KLHL24: variants seen among roughly 807,000 people sequenced by gnomAD.
KLHL24 encodes kelch-like protein 24.
KLHL24 carries 29 observed loss-of-function variants against 53.4 expected under a neutral mutation model. The ratio of observed to expected loss-of-function variants is 0.54; its 90% CI spans 0.40 to 0.74. KLHL24 has a LOEUF of 0.74. Ranked by LOEUF, KLHL24 falls within the 30% of genes least tolerant of loss-of-function variation. KLHL24 has a pLI of 0.00. For synonymous variants in KLHL24, 222 were observed against 253.7 expected, an observed-to-expected ratio of 0.88 and a Z score of 1.19; for missense variants, 504 against 744.0, an observed-to-expected ratio of 0.68 and a Z score of 3.75.
rs1446700713 is a variant in KLHL24, at chr3:183,681,959, A to G, written c.*2673A>G. 6.6e-6 allele frequency: 1 copy of G among 152,508 alleles called. No homozygotes were observed. Among genetic ancestry groups the G allele is most frequent in the Non-Finnish European group, 1.5e-5 (1 of 67,990 alleles). The allele number at this position is 152,508 out of a possible 1,614,324, so 9.4% of individuals were successfully genotyped here. A position where few individuals can be genotyped will look rare whatever the true frequency, so the allele number is the denominator to read the frequency against. On this transcript the variant is annotated 3_prime_UTR_variant, in exon 8 of 8. Transcript: ENST00000242810. ...TATACACACATATATACCAAACACC[A>G]TGAATTTTAGCAGTCTGTGATGATC...
intron 1 of KLHL24, among the ~76,000 whole-genome samples, chr3:183,639,157 G>A (rs1715878971): frequency 6.6e-6 from 1 of 151,838 alleles, no homozygotes; most frequent in Non-Finnish European, 1.5e-5. Flanking sequence ...CTGAGATCGC[G>A]CCATTGCACT....
intron 3 of KLHL24, among the ~76,000 whole-genome samples, chr3:183,659,570 C>T (rs748670369): frequency 2.6e-5 from 4 of 152,166 alleles, no homozygotes; most frequent in East Asian, 1.9e-4. Flanking sequence ...TCTTGTAGGA[C>T]GTAAGAGCAA....
intron 1 of KLHL24, among the ~76,000 whole-genome samples, chr3:183,638,740 A>C (rs1033843458): frequency 1.3e-5 from 2 of 151,980 alleles, no homozygotes; most frequent in Non-Finnish European, 2.9e-5. Context: ...GTTTGAGAAC[A>C]GAATGGGCAA....
intron 3 of KLHL24, among the ~76,000 whole-genome samples, chr3:183,657,668 T>A (rs958930136): frequency 1.8e-4 from 27 of 152,212 alleles, no homozygotes; most frequent in Non-Finnish European, 3.7e-4. Flanking sequence ...GGGCTAGAAG[T>A]TAGTGTTCTG....
rs940850923 is a variant in KLHL24, at chr3:183,663,355, T to C, written c.921-103T>C. 1.9e-6 allele frequency: 1 copy of C among 532,098 alleles called. No individual in the cohort carries two copies. Among genetic ancestry groups the C allele is most frequent in the Admixed American group, 4.0e-5 (1 of 25,196 alleles). 33.0% of individuals were successfully genotyped at this position (532,098 alleles called of 1,614,324 possible). On this transcript the variant is annotated intron_variant, in intron 3 of 7. Transcript: ENST00000242810. This position sits in a 1 kb window ranked among gnomAD's most constrained non-coding sequence, Gnocchi z 4.9. Reference sequence around the variant, plus strand: ...CACAGAGAAGAAACTTAACTGTTTATAATAGTGCGTGGTTTGTTTTTAGAG... The same window carrying C: ...CACAGAGAAGAAACTTAACTGTTTACAATAGTGCGTGGTTTGTTTTTAGAG...
At chr3:183,675,801 AAAAG>A (rs1711741902) in intron 7 of KLHL24, among the ~76,000 whole-genome samples, 1 of 152,140 alleles carries the variant, frequency 6.6e-6, no homozygotes, top group African/African-American at 2.4e-5. Context: ...AGAAAAAAGA[AAAAG>A]AATTACCATT....
chr3:183,639,149 G>C, intron 1 of KLHL24, among the ~76,000 whole-genome samples: 1 of 151,664 alleles, frequency 6.6e-6, no homozygotes, highest in East Asian at 2.0e-4. Context: ...GCAGTGAGCT[G>C]AGATCGCGCC....
intron 3 of KLHL24, among the ~76,000 whole-genome samples, chr3:183,657,657 A>G (rs1263970701): frequency 6.6e-6 from 1 of 152,264 alleles, no homozygotes; most frequent in East Asian, 1.9e-4. Flanking sequence ...AACCACAGCC[A>G]GGGCTAGAAG....
chr3:183,679,931 G>A lies in KLHL24; in HGVS notation c.*645G>A, dbSNP rs1208057647. 1 of 152,074 alleles carries A rather than the reference G, an allele frequency of 6.6e-6. No individual in the cohort carries two copies. The highest frequency in any genetic ancestry group is 6.6e-5 in the Admixed American group (1 of 15,264). The allele number at this position is 152,074 out of a possible 1,614,324, so 9.4% of individuals were successfully genotyped here. On this transcript the variant is annotated 3_prime_UTR_variant, in exon 8 of 8. Transcript: ENST00000242810. ...GTTTTTAGGGGGAAGTTAGGTAGGA[G>A]ATAGAAAAATAAGTGCCCCTACAAG...
chr3:183,646,883 C>T (rs1353633546), intron 2 of KLHL24, among the ~76,000 whole-genome samples: 2 of 151,870 alleles, frequency 1.3e-5, no homozygotes, highest in African/African-American at 4.8e-5. Context: ...GATCTAGGCT[C>T]ACTGCAAGCT....
chr3:183,669,072 T>A (rs1720975747), intron 5 of KLHL24, among the ~76,000 whole-genome samples: 1 of 152,150 alleles, frequency 6.6e-6, no homozygotes. Context: ...TCTAGAGGCC[T>A]TTTGTCTTGA....
Position 183,682,635 on chromosome 3 carries a change from A to G in KLHL24, c.*3349A>G, listed in dbSNP as rs765894243. ...TGAACATTGATTCTTTTATACTTAA[A>G]AAGATGAAAATGTTTTGTGGACTGA... On this transcript the variant is annotated 3_prime_UTR_variant, in exon 8 of 8. Transcript: ENST00000242810. 2.6e-5 allele frequency: 4 copies of G among 152,644 alleles called. No homozygotes were observed. The highest frequency in any genetic ancestry group is 5.9e-5 in the Non-Finnish European group (4 of 68,036). 9.5% of individuals were successfully genotyped at this position (152,644 alleles called of 1,614,324 possible).
At chr3:183,636,380 C>T (rs1715180977) in intron 1 of KLHL24, 1 of 152,256 alleles carries the variant, frequency 6.6e-6, no homozygotes, top group Non-Finnish European at 1.5e-5. Flanking sequence ...TCGGCACTGT[C>T]ACCTGACCGT....
At chr3:183,640,686 G>A (rs1362881807) in intron 1 of KLHL24, among the ~76,000 whole-genome samples, 5 of 148,106 alleles carry the variant, frequency 3.4e-5, no homozygotes, top group Non-Finnish European at 7.4e-5. Context: ...TGCAACCTCC[G>A]CCTCCTGGGT....
At chr3:183,668,013 C>G (rs1228480525) in intron 5 of KLHL24, among the ~76,000 whole-genome samples, 2 of 150,088 alleles carry the variant, frequency 1.3e-5, no homozygotes, top group African/African-American at 2.5e-5. Flanking sequence ...ATGCCCAGCT[C>G]AAAACACAGT....
Position 183,663,743 on chromosome 3 carries a change from A to C in KLHL24, c.1105+101A>C. 1 of 613,642 alleles carries C rather than the reference A, an allele frequency of 1.6e-6. No individual in the cohort carries two copies. Among genetic ancestry groups the C allele is most frequent in the South Asian group, 4.0e-5 (1 of 25,288 alleles). The allele number at this position is 613,642 out of a possible 1,614,324, so 38.0% of individuals were successfully genotyped here. A position where few individuals can be genotyped will look rare whatever the true frequency, so the allele number is the denominator to read the frequency against. On this transcript the variant is annotated intron_variant, in intron 4 of 7. Coordinates refer to ENST00000242810, the MANE Select transcript of KLHL24 (RefSeq NM_017644.3). The surrounding 1 kb of genome is among the most constrained non-coding windows in gnomAD (Gnocchi z 4.9). Reference sequence around the variant, plus strand: ...AAAATAGTGAAATGTGAATACTCCCACTTGAGGAAGATCAGTTTACAACAA... The same window carrying C: ...AAAATAGTGAAATGTGAATACTCCCCCTTGAGGAAGATCAGTTTACAACAA...
chr3:183,666,032 G>A (rs1448720839), intron 5 of KLHL24, among the ~76,000 whole-genome samples: 2 of 151,782 alleles, frequency 1.3e-5, no homozygotes, highest in African/African-American at 4.8e-5. Flanking sequence ...ACAGGTGTTC[G>A]CCACCACACC....
Position 183,668,558 on chromosome 3 carries a change from G to A in KLHL24, c.1225-2476G>A, listed in dbSNP as rs188327277. 3.7e-3 allele frequency among the ~76,000 whole-genome samples: 557 copies of A among 152,204 alleles called. 1 individual carries two copies. The highest frequency in any genetic ancestry group is 6.6e-3 in the Admixed American group (101 of 15,284). On this transcript the variant is annotated intron_variant, in intron 5 of 7. Transcript: ENST00000242810. The stretch of plus-strand genomic sequence containing the variant: ...GATGGTTTAGAATATAGAATCTTAG[G>A]GGAGCACTCCCCAGTGTAACTTAGA...
rs1439865446 is a variant in KLHL24 at position 183,679,202 on chromosome 3, A to G, written c.1719A>G (p.Thr573=). The G allele has an allele frequency of 8.1e-6, 13 of 1,613,894 alleles. No individual in the cohort carries two copies. Among genetic ancestry groups the G allele is most frequent in the Non-Finnish European group, 1.1e-5 (13 of 1,179,894 alleles). The stretch of plus-strand genomic sequence containing the variant: ...ATGATCCTGCAACAAGTATCATCAC[A>G]GGGGTAGCTGCAATGCCCAGGCCAG... ...LCYDPATSII[T]GVAAMPRPVS... Residue 573 remains threonine (T), a synonymous_variant, in exon 8 of 8, where the codon ACA becomes ACG. Coordinates refer to ENST00000242810, the MANE Select transcript of KLHL24 (RefSeq NM_017644.3).
Sources: allele counts gnomAD v4.1 joint callset (sites outside exome capture counted in the v4.1 genomes callset), GRCh38; gene constraint gnomAD v4.1.1; non-coding constraint Gnocchi (gnomAD v3.1); transcripts MANE v1.5; gene names NCBI Gene and HGNC (gene_info 2026-07-23, HGNC 2026-07-21).